Variants in EEFSEC observed in about 807,000 individuals in gnomAD.
EEFSEC encodes the protein eukaryotic elongation factor, selenocysteine-tRNA specific.
In EEFSEC, 43 loss-of-function variants were observed where a neutral mutation model predicts 42.1. That is an observed-to-expected ratio of 1.02 (90% CI 0.80 to 1.32). The LOEUF (loss-of-function observed/expected upper bound fraction) is 1.32. EEFSEC is among the 40% of genes most tolerant of loss of function. The pLI is 0.00. For missense variants in EEFSEC, 745 were observed against 803.6 expected (o/e 0.93, Z 0.88); for synonymous variants, 354 against 339.1 (o/e 1.04, Z -0.48).
At chr3:128,413,980 C>G in the EEFSEC span, among the ~76,000 whole-genome samples, 1 of 140,030 alleles carries the variant, frequency 7.1e-6, no homozygotes, top group Non-Finnish European at 1.5e-5. Context: ...GCCGAGGGGC[C>G]GCTGGGCCCA....
chr3:128,265,252 G>A (rs2066342342), intron 4 of EEFSEC, among the ~76,000 whole-genome samples: 2 of 152,126 alleles, frequency 1.3e-5, no homozygotes, highest in Non-Finnish European at 2.9e-5. Flanking sequence ...ATCTTATGAT[G>A]CTCAGAATCA....
intron 1 of EEFSEC, among the ~76,000 whole-genome samples, chr3:128,198,746 A>G (rs2065613197): frequency 6.6e-6 from 1 of 152,090 alleles, no homozygotes; most frequent in African/African-American, 2.4e-5. Context: ...GAGGGAACCT[A>G]TCACTTGGAT....
intron 6 of EEFSEC, among the ~76,000 whole-genome samples, chr3:128,394,560 T>G (rs1349284366): frequency 6.6e-6 from 1 of 152,226 alleles, no homozygotes; most frequent in Non-Finnish European, 1.5e-5. Context: ...ACCAGTTATC[T>G]TAGTTTCTGC....
chr3:128,270,344 C>T (rs913006892), intron 4 of EEFSEC, among the ~76,000 whole-genome samples: 6 of 152,090 alleles, frequency 3.9e-5, no homozygotes, highest in African/African-American at 1.2e-4. Context: ...ATATGCTTTG[C>T]GGACCCCACT....
intron 4 of EEFSEC, among the ~76,000 whole-genome samples, chr3:128,295,375 A>C (rs1208232216): frequency 3.3e-5 from 5 of 150,542 alleles, no homozygotes; most frequent in Non-Finnish European, 7.4e-5. Flanking sequence ...TTGGTCAAGG[A>C]AATGCATCCG....
intron 1 of EEFSEC, among the ~76,000 whole-genome samples, chr3:128,189,441 C>A (rs1156745614): frequency 1.3e-5 from 2 of 152,150 alleles, no homozygotes; most frequent in South Asian, 2.1e-4. Context: ...CTACTGTGCT[C>A]AGTCTTATAG....
At chr3:128,154,157 C>T (rs932303394) in intron 1 of EEFSEC, among the ~76,000 whole-genome samples, 8 of 151,188 alleles carry the variant, frequency 5.3e-5, no homozygotes, top group Non-Finnish European at 7.4e-5. Context: ...TCACAAGCTA[C>T]AAAAAGGGTA....
At chr3:128,201,581 G>C (rs2065644704) in intron 1 of EEFSEC, among the ~76,000 whole-genome samples, 1 of 152,066 alleles carries the variant, frequency 6.6e-6, no homozygotes, top group African/African-American at 2.4e-5. Context: ...TTTTGTTGTT[G>C]AGTTATAGGA....
chr3:128,172,235 G>A (rs1478419118), intron 1 of EEFSEC, among the ~76,000 whole-genome samples: 2 of 152,226 alleles, frequency 1.3e-5, no homozygotes, highest in Non-Finnish European at 2.9e-5. Flanking sequence ...ACCCAAGAGA[G>A]TTTAACTGAA....
the EEFSEC span, among the ~76,000 whole-genome samples, chr3:128,421,571 AAC>A: frequency 8.8e-4 from 134 of 152,320 alleles, 1 homozygote; most frequent in Middle Eastern, 6.8e-3. Context: ...CATAGTTGTG[AAC>A]ACCTGGAGCT....
At chr3:128,264,161 C>T (rs774654994) in intron 3 of EEFSEC, among the ~76,000 whole-genome samples, 3 of 152,114 alleles carry the variant, frequency 2.0e-5, no homozygotes, top group Non-Finnish European at 4.4e-5. Context: ...TTCTGGCATA[C>T]GTCAGGGAGT....
chr3:128,289,918 C>A (rs1287634216), intron 4 of EEFSEC, among the ~76,000 whole-genome samples: 1 of 152,196 alleles, frequency 6.6e-6, no homozygotes, highest in African/African-American at 2.4e-5. Context: ...TTCTTTTACA[C>A]ATTTTTATAT....
At chr3:128,419,655 G>A in the EEFSEC span, among the ~76,000 whole-genome samples, 1 of 152,198 alleles carries the variant, frequency 6.6e-6, no homozygotes, top group Non-Finnish European at 1.5e-5. Flanking sequence ...CTGGAGGTGA[G>A]CGAGGGAAAG....
At chr3:128,356,304 GTT>G (rs2067453577) in intron 5 of EEFSEC, among the ~76,000 whole-genome samples, 4 of 152,160 alleles carry the variant, frequency 2.6e-5, no homozygotes, top group Admixed American at 2.6e-4. Flanking sequence ...TGCCTTTTTT[GTT>G]TCTTGGCCAC....
chr3:128,401,791 G>T (rs563148498), intron 6 of EEFSEC, among the ~76,000 whole-genome samples: 1 of 152,118 alleles, frequency 6.6e-6, no homozygotes, highest in African/African-American at 2.4e-5. Context: ...GGATTCCTGC[G>T]CCCACACCTC....
At chr3:128,367,586 G>A in intron 6 of EEFSEC, 1 of 968,650 alleles carries the variant, frequency 1.0e-6, no homozygotes, top group Non-Finnish European at 1.2e-6. Context: ...GTTTCCACAA[G>A]GCCTACCTCA....
At chr3:128,251,950 TCCCCCA>T (rs2066191642) in intron 2 of EEFSEC, among the ~76,000 whole-genome samples, 1 of 152,222 alleles carries the variant, frequency 6.6e-6, no homozygotes, top group African/African-American at 2.4e-5. Context: ...AAAGTGTTTT[TCCCCCA>T]GGATCCCTGT....
Position 128,294,975 on chromosome 3 carries a change from C to G in EEFSEC, c.786+30194C>G, listed in dbSNP as rs573940852. 2.8e-4 allele frequency among the ~76,000 whole-genome samples: 43 copies of G among 152,304 alleles called. No individual in the cohort carries two copies. In the South Asian group the frequency reaches 3.5e-3, roughly 12 times the overall value. On this transcript the variant is annotated intron_variant, in intron 4 of 6. Transcript: ENST00000254730. ...CTGTGCCTGTCAGGGAGGGCTGTCC[C>G]CATGATGCCTGGGAAAATGGCTATG...
chr3:128,188,580 A>G (rs1201542174), intron 1 of EEFSEC, among the ~76,000 whole-genome samples: 1 of 152,200 alleles, frequency 6.6e-6, no homozygotes, highest in Admixed American at 6.5e-5. Context: ...CCCTGGAATC[A>G]GGTATTTGGA....
Sources: gnomAD v4.1 joint callset for allele counts (sites outside exome capture counted in the v4.1 genomes callset) on GRCh38, gnomAD v4.1.1 for gene constraint, MANE v1.5 for transcripts, NCBI Gene and HGNC (gene_info 2026-07-23, HGNC 2026-07-21) for gene names.